SGK3: variants seen among roughly 807,000 people sequenced by gnomAD.
SGK3 encodes the protein serine/threonine-protein kinase Sgk3.
SGK3 carries 47 observed loss-of-function variants against 68.5 expected under a neutral mutation model. That is an observed-to-expected ratio of 0.69 (90% CI 0.54 to 0.87). The LOEUF is 0.87. Ranked by LOEUF, SGK3 falls within the 40% of genes least tolerant of loss-of-function variation. SGK3 has a pLI of 0.00. For missense variants in SGK3, 479 were observed against 575.5 expected (o/e 0.83, Z 1.72); for synonymous variants, 181 against 189.1 (o/e 0.96, Z 0.35).
intron 16 of SGK3, 128 bp downstream of exon 16, chr8:66,851,048 G>A (rs1810261936): frequency 1.0e-6 from 1 of 966,166 alleles, no homozygotes. Flanking sequence ...TGTGAAATAT[G>A]TCACTCAGGG....
intron 16 of SGK3, among the ~76,000 whole-genome samples, chr8:66,853,988 G>C (rs1473998469): frequency 6.6e-6 from 1 of 152,160 alleles, no homozygotes; most frequent in African/African-American, 2.4e-5. Flanking sequence ...GCCGTATTTA[G>C]GTAGGATTTC....
intron 1 of SGK3, among the ~76,000 whole-genome samples, chr8:66,770,602 G>T (rs1806477597): frequency 6.6e-6 from 1 of 152,136 alleles, no homozygotes; most frequent in Non-Finnish European, 1.5e-5. Context: ...ATTGAGTTGG[G>T]AACGTTTGTA....
rs1006341609 is a variant in SGK3 at position 66,831,256 on chromosome 8, C to G, written c.470C>G (p.Ala157Gly). The G allele has an allele frequency of 6.2e-7, 1 of 1,613,936 alleles. No homozygotes were observed. Among genetic ancestry groups the G allele is most frequent in the Non-Finnish European group, 8.5e-7 (1 of 1,179,900 alleles). ...INLGPSGNPH[A>G]KPTDFDFLKV... ...TTCTTATTGTTAATTTATTTCAGTGCCAAACCAACTGACTTTGATTTCTTA... is the reference window on the plus strand; with the variant it reads ...TTCTTATTGTTAATTTATTTCAGTGGCAAACCAACTGACTTTGATTTCTTA... The change falls in exon 8 of 17, where the codon GCC becomes GGC. Residue 157 changes from alanine to glycine, a missense_variant and splice_region_variant. Transcript: ENST00000521198.
chr8:66,817,977 G>A (rs75706322), intron 5 of SGK3, among the ~76,000 whole-genome samples: 3,753 of 152,150 alleles, frequency 0.025, 159 homozygotes, highest in African/African-American at 0.084. Context: ...CTGTCATGGT[G>A]GCATGTGCCG....
intron 1 of SGK3, among the ~76,000 whole-genome samples, chr8:66,759,409 C>T (rs975670816): frequency 3.3e-5 from 5 of 151,204 alleles, no homozygotes; most frequent in African/African-American, 4.9e-5. Flanking sequence ...TTCTCTTCCA[C>T]GTGTCTCTGT....
At chr8:66,761,149 A>G (rs1335680651) in intron 1 of SGK3, among the ~76,000 whole-genome samples, 4 of 152,302 alleles carry the variant, frequency 2.6e-5, no homozygotes, top group Admixed American at 2.6e-4. Context: ...TCTGTTGCCC[A>G]GGCTGGAGTA....
At chr8:66,723,135 T>A (rs866902032) in intron 1 of SGK3, among the ~76,000 whole-genome samples, 1,038 of 67,302 alleles carry the variant, frequency 0.015, 2 homozygotes, top group Non-Finnish European at 0.02. Context: ...ATATATATTT[T>A]TTTTTTTTTT....
At position 66,806,204 on chromosome 8, in the gene SGK3, C is replaced by A. The variant is rs552954955; in HGVS notation, c.253+1757C>A. On this transcript the variant is annotated intron_variant, in intron 4 of 16. Transcript: ENST00000521198. Reference sequence around the variant, plus strand: ...TTTTCTCTCTTTCTTTCTTTTTTTTCCCCCCTTGGGAGTATATAGCACATT... The same window carrying A: ...TTTTCTCTCTTTCTTTCTTTTTTTTACCCCCTTGGGAGTATATAGCACATT... Among the ~76,000 whole-genome samples, 17 of 150,730 alleles carry A rather than the reference C, an allele frequency of 1.1e-4. No homozygotes were observed. In the South Asian group the frequency reaches 3.2e-3, roughly 28 times the overall value.
At chr8:66,776,900 A>G (rs578136700) in intron 1 of SGK3, among the ~76,000 whole-genome samples, 3 of 152,294 alleles carry the variant, frequency 2.0e-5, no homozygotes, top group African/African-American at 7.2e-5. Context: ...TTGTCCTTTT[A>G]AAATGCAGCC....
chr8:66,859,393 G>A lies in SGK3; in HGVS notation c.1321-18G>A. On this transcript the variant is annotated intron_variant, in intron 16 of 16. Coordinates refer to ENST00000521198, the MANE Select transcript of SGK3 (RefSeq NM_001033578.3). ...AAGAAAAGCTAAGGTGAATAATACT[G>A]TGCTTTTGATGTTTTAGGCTGGACC... 6.3e-7 allele frequency: 1 copy of A among 1,582,192 alleles called. No homozygotes were observed.
At chr8:66,739,272 T>C (rs1256336580) in intron 1 of SGK3, among the ~76,000 whole-genome samples, 1 of 152,140 alleles carries the variant, frequency 6.6e-6, no homozygotes, top group Admixed American at 6.5e-5. Flanking sequence ...AGGAGCCAAA[T>C]ATGAAGGATG....
intron 10 of SGK3, among the ~76,000 whole-genome samples, chr8:66,839,375 T>C (rs1259971783): frequency 6.7e-6 from 1 of 149,488 alleles, no homozygotes; most frequent in East Asian, 2.0e-4. Flanking sequence ...CCAGAGCTTA[T>C]CTTTTTAAAA....
At chr8:66,795,891 CTTT>C (rs1006839888) in intron 2 of SGK3, among the ~76,000 whole-genome samples, 2 of 152,240 alleles carry the variant, frequency 1.3e-5, no homozygotes, top group African/African-American at 4.8e-5. Context: ...TATGTGCCTT[CTTT>C]GAGTAGAATG....
Position 66,859,472 on chromosome 8 carries a change from CTG to C in SGK3, c.1390_1391del (p.Val464IlefsTer3), listed in dbSNP as rs1224536341. The C allele has an allele frequency of 6.2e-7, 1 of 1,612,850 alleles. No individual in the cohort carries two copies. The highest frequency in any genetic ancestry group is 1.3e-5 in the African/African-American group (1 of 74,902). Reference sequence around the variant, plus strand: ...TTTACAGAAGAAACAGTTCCATATTCTGTGTGTGTATCTTCTGACTATTCTAT... The same window carrying C: ...TTTACAGAAGAAACAGTTCCATATTCTGTGTGTATCTTCTGACTATTCTAT... On this transcript the variant is annotated frameshift_variant, in exon 17 of 17. Transcript: ENST00000521198. LOFTEE classifies it high-confidence loss of function.
chr8:66,728,327 C>CT (rs200974011), intron 1 of SGK3, among the ~76,000 whole-genome samples: 194 of 141,598 alleles, frequency 1.4e-3, no homozygotes, highest in Middle Eastern at 3.7e-3. Flanking sequence ...TACTTCATTT[C>CT]TTTTTTTTTT....
intron 1 of SGK3, chr8:66,767,298 G>T: frequency 2.7e-6 from 2 of 741,346 alleles, no homozygotes; most frequent in Non-Finnish European, 2.2e-6. Context: ...CCTTTTAATG[G>T]TTATTTTATT....
At chr8:66,720,826 G>A (rs1427361524) in intron 1 of SGK3, among the ~76,000 whole-genome samples, 4 of 150,764 alleles carry the variant, frequency 2.7e-5, no homozygotes, top group African/African-American at 9.9e-5. Context: ...CACACCTGTG[G>A]CCCCAGCTAC....
intron 1 of SGK3, among the ~76,000 whole-genome samples, chr8:66,758,155 A>T (rs1806046167): frequency 6.6e-6 from 1 of 151,814 alleles, no homozygotes; most frequent in African/African-American, 2.4e-5. Flanking sequence ...GGAGTTCAAG[A>T]CCAACCTGAC....
At chr8:66,724,264 G>C (rs1804912029) in intron 1 of SGK3, among the ~76,000 whole-genome samples, 3 of 152,182 alleles carry the variant, frequency 2.0e-5, no homozygotes, top group Admixed American at 1.3e-4. Context: ...ACAGGCGTGA[G>C]CCTCCATACC....
Sources: allele counts gnomAD v4.1 joint callset (sites outside exome capture counted in the v4.1 genomes callset), GRCh38; gene constraint gnomAD v4.1.1; transcripts MANE v1.5; gene names NCBI Gene and HGNC (gene_info 2026-07-23, HGNC 2026-07-21).